Variants in AAGAB observed in about 807,000 individuals in gnomAD.
AAGAB encodes alpha- and gamma-adaptin-binding protein p34.
In AAGAB, 38 loss-of-function variants were observed where a neutral mutation model predicts 44.1. That is an observed-to-expected ratio of 0.86 (90% CI 0.67 to 1.13). AAGAB has a LOEUF of 1.13. AAGAB is among the 50% of genes most tolerant of loss of function. The probability of loss-of-function intolerance (pLI) is 0.00; values close to 1 mark genes in which losing one functional copy is unlikely to be tolerated. For missense variants in AAGAB, 450 were observed against 373.8 expected (o/e 1.20, Z -1.68); for synonymous variants, 131 against 131.8 (o/e 0.99, Z 0.04).
At chr15:67,251,821 A>T (rs916705686) in intron 1 of AAGAB, among the ~76,000 whole-genome samples, 2 of 152,250 alleles carry the variant, frequency 1.3e-5, no homozygotes, top group Non-Finnish European at 2.9e-5. Context: ...TCAACCTGTG[A>T]TTAATTTAAT....
intron 1 of AAGAB, among the ~76,000 whole-genome samples, chr15:67,252,015 G>A (rs1354897767): frequency 2.7e-4 from 41 of 152,078 alleles, no homozygotes; most frequent in Non-Finnish European, 5.7e-4. Flanking sequence ...CGACAGTAAC[G>A]AGTTGCAATG....
At chr15:67,212,798 T>C (rs760281199) in intron 5 of AAGAB, among the ~76,000 whole-genome samples, 8 of 152,238 alleles carry the variant, frequency 5.3e-5, no homozygotes, top group African/African-American at 9.6e-5. Context: ...AATTCTGTTC[T>C]GCCTGGTTCA....
chr15:67,244,773 C>A (rs953265916), intron 1 of AAGAB, among the ~76,000 whole-genome samples: 4 of 151,826 alleles, frequency 2.6e-5, no homozygotes, highest in Non-Finnish European at 5.9e-5. Flanking sequence ...CACTGCACTC[C>A]AGCCTGGGCA....
chr15:67,255,178 GA>G, upstream of AAGAB: 1 of 591,476 alleles, frequency 1.7e-6, no homozygotes, highest in Non-Finnish European at 3.0e-6. Context: ...CTGCCTCTGG[GA>G]AAACTCTAAA....
At position 67,202,838 on chromosome 15, in the gene AAGAB, A is replaced by T; in HGVS notation, c.931T>A (p.Ser311Thr). 2 of 1,614,120 alleles carry T rather than the reference A, an allele frequency of 1.2e-6. No homozygotes were observed. The highest frequency in any genetic ancestry group is 1.7e-6 in the Non-Finnish European group (2 of 1,179,960). Reference protein sequence around the residue: ...GDRDEIEGLSSDEEH With the variant: ...GDRDEIEGLSTDEEH ...TGAATAATTCAGTGCTCTTCATCAG[A>T]TGAAAGGCCTTCAATTTCATCTCTG... The change falls in exon 10 of 10, where the codon TCT becomes ACT. Residue 311 changes from serine (S) to threonine (T), a missense_variant. Ser to Thr is a moderately conservative substitution (Grantham distance 58). Transcript: ENST00000261880.
At position 67,204,103 on chromosome 15, in the gene AAGAB, G is replaced by A. The variant is rs745960635; in HGVS notation, c.761C>T (p.Thr254Ile). Residue 254 changes from threonine (T) to isoleucine (I), a missense_variant, in exon 8 of 10, where the codon ACT (threonine) becomes ATT (isoleucine). By Grantham distance (89) the Thr-to-Ile change is moderately conservative (BLOSUM62 -1). Transcript: ENST00000261880. ...LDIQELASLT[T>I]GGGDVENFER... Reference sequence around the variant, plus strand: ...AAAATTCTCCACATCTCCTCCTCCAGTGGTAAGACTGGCTAATTCTTGAAT... The same window carrying A: ...AAAATTCTCCACATCTCCTCCTCCAATGGTAAGACTGGCTAATTCTTGAAT... 23 of 1,612,374 alleles carry A rather than the reference G, an allele frequency of 1.4e-5. No individual in the cohort carries two copies. The highest frequency in any genetic ancestry group is 1.9e-5 in the Non-Finnish European group (22 of 1,178,806).
chr15:67,254,568 G>T lies in AAGAB; in HGVS notation c.64C>A (p.Leu22Met). 6.2e-7 allele frequency: 1 copy of T among 1,609,256 alleles called. No homozygotes were observed. The change falls in exon 1 of 10, where the codon CTG becomes ATG. Residue 22 changes from leucine (L) to methionine (M), a missense_variant. Coordinates refer to ENST00000261880, the MANE Select transcript of AAGAB (RefSeq NM_024666.5). ...SCSSVFSGDQ[L>M]VQHILGTEDL... ...GCGCCTATCTACTCACGTTGGACCA[G>T]CTGGTCTCCTGAGAAGACGGAGGAG...
intron 1 of AAGAB, chr15:67,242,782 A>G (rs905588172): frequency 2.6e-5 from 4 of 152,202 alleles, no homozygotes; most frequent in African/African-American, 7.2e-5. Context: ...TGCAGTTTAT[A>G]TGACAGGTCG....
intron 1 of AAGAB, among the ~76,000 whole-genome samples, chr15:67,241,668 G>A (rs1008249686): frequency 3.9e-5 from 6 of 152,002 alleles, no homozygotes; most frequent in Admixed American, 2.0e-4. Context: ...CTGCAAATGG[G>A]GATGAGAACA....
At chr15:67,246,630 C>G (rs1964730228) in intron 1 of AAGAB, among the ~76,000 whole-genome samples, 1 of 151,802 alleles carries the variant, frequency 6.6e-6, no homozygotes. Flanking sequence ...TGTAAACACA[C>G]CAATCAGCAC....
chr15:67,204,216 A>C, intron 7 of AAGAB, 68 bp from the exon 8 acceptor site: 1 of 1,102,952 alleles, frequency 9.1e-7, no homozygotes, highest in East Asian at 2.4e-5. Flanking sequence ...GAGAATCCTA[A>C]GGCAAATGCT....
chr15:67,236,457 T>TG lies in AAGAB; in HGVS notation c.311dup (p.Trp105MetfsTer4). Reference sequence around the variant, plus strand: ...CCAAGATCATCACCTCAGGTAACCATGCTTTTGCCAGTGGAAGCCATGAGG... The same window carrying TG: ...CCAAGATCATCACCTCAGGTAACCATGGCTTTTGCCAGTGGAAGCCATGAGG... On this transcript the variant is annotated frameshift_variant, in exon 3 of 10. Coordinates refer to ENST00000261880, the MANE Select transcript of AAGAB (RefSeq NM_024666.5). LOFTEE classifies it high-confidence loss of function. 1 of 1,614,108 alleles carries TG rather than the reference T, an allele frequency of 6.2e-7. No individual in the cohort carries two copies. Among genetic ancestry groups the TG allele is most frequent in the South Asian group, 1.1e-5 (1 of 91,082 alleles).
In AAGAB at chr15:67,228,567, G is replaced by A. The variant is rs150531983; in HGVS notation, c.535+3247C>T. Among the ~76,000 whole-genome samples, 5 of 152,318 alleles carry A rather than the reference G, an allele frequency of 3.3e-5. No individual in the cohort carries two copies. In the East Asian group the frequency reaches 9.7e-4, roughly 29 times the overall value. Reference sequence around the variant, plus strand: ...CAGCCACTGTGGAAAGCAGTTTGGAGACTTCTCAAAGAACTTAAAATAGAA... The same window carrying A: ...CAGCCACTGTGGAAAGCAGTTTGGAAACTTCTCAAAGAACTTAAAATAGAA... On this transcript the variant is annotated intron_variant, in intron 5 of 9. Coordinates refer to ENST00000261880, the MANE Select transcript of AAGAB (RefSeq NM_024666.5).
intron 1 of AAGAB, among the ~76,000 whole-genome samples, chr15:67,249,622 C>T (rs1378158657): frequency 1.3e-5 from 2 of 152,192 alleles, no homozygotes; most frequent in South Asian, 2.1e-4. Flanking sequence ...TTTAATCATC[C>T]GAAGTGGCAA....
At chr15:67,209,619 C>G in intron 5 of AAGAB, 75 bp from the exon 6 acceptor site, 1 of 1,163,570 alleles carries the variant, frequency 8.6e-7, no homozygotes, top group Non-Finnish European at 1.3e-6. Context: ...GATGATGAAA[C>G]AAAGGCTACT....
rs1413293897 is a variant in AAGAB at position 67,236,653 on chromosome 15, C to G, written c.241G>C (p.Val81Leu). Residue 81 changes from valine to leucine, a missense_variant, in exon 2 of 10, where the codon GTG becomes CTG. Val to Leu is a conservative substitution (Grantham distance 32). Coordinates refer to ENST00000261880, the MANE Select transcript of AAGAB (RefSeq NM_024666.5). ...ACTTGTGTGCTGTCAAAGTAAACCACAAATGCTTGGACAGATTCTGCAATC... is the reference window on the plus strand; with the variant it reads ...ACTTGTGTGCTGTCAAAGTAAACCAGAAATGCTTGGACAGATTCTGCAATC... ...AEIAESVQAF[V>L]VYFDSTQKSG... 6.2e-7 allele frequency: 1 copy of G among 1,613,440 alleles called. No individual in the cohort carries two copies. Among genetic ancestry groups the G allele is most frequent in the Non-Finnish European group, 8.5e-7 (1 of 1,179,856 alleles).
intron 7 of AAGAB, among the ~76,000 whole-genome samples, chr15:67,207,738 G>T (rs748738295): frequency 3.5e-4 from 53 of 152,254 alleles, no homozygotes; most frequent in Admixed American, 4.6e-4. Flanking sequence ...CCACTTCAGT[G>T]TGATTACTAG....
chr15:67,222,648 C>T (rs1567021193), intron 5 of AAGAB, among the ~76,000 whole-genome samples: 1 of 152,122 alleles, frequency 6.6e-6, no homozygotes. Flanking sequence ...TCCACTTGTA[C>T]ACTGGAGCCC....
chr15:67,201,966 T>G lies in AAGAB; in HGVS notation c.*855A>C, dbSNP rs8991. On this transcript the variant is annotated 3_prime_UTR_variant, in exon 10 of 10. Transcript: ENST00000261880. The stretch of plus-strand genomic sequence containing the variant: ...GGCTTTAAAGAGAAAGGGGGAAATG[T>G]GCCTTGTTTTGCAGGTGTGCAACAA... 43,579 of 152,178 alleles carry G rather than the reference T, an allele frequency of 0.29. 6,348 individuals carry two copies. The highest frequency in any genetic ancestry group is 0.37 in the South Asian group (1,790 of 4,806). 9.4% of individuals were successfully genotyped at this position (152,178 alleles called of 1,614,324 possible).
Sources: allele counts gnomAD v4.1 joint callset (sites outside exome capture counted in the v4.1 genomes callset), GRCh38; gene constraint gnomAD v4.1.1; transcripts MANE v1.5; gene names NCBI Gene and HGNC (gene_info 2026-07-23, HGNC 2026-07-21).